Variants in CCDC66 observed in about 807,000 individuals in gnomAD.
CCDC66 encodes coiled-coil domain containing 66, also known as coiled-coil domain-containing protein 66.
CCDC66 carries 133 observed loss-of-function variants against 128.3 expected under a neutral mutation model. The observed-to-expected ratio is 1.04, with a 90% CI of 0.90 to 1.20. The LOEUF (loss-of-function observed/expected upper bound fraction) is 1.20, where lower values mean the gene tolerates loss of function less well. Among genes scored for constraint, CCDC66 ranks in the 50% most tolerant of loss-of-function variants. The pLI is 0.00. For missense variants in CCDC66, 1,126 were observed against 1,075.5 expected (o/e 1.05, Z -0.66); for synonymous variants, 387 against 357.0 (o/e 1.08, Z -0.95).
chr3:56,575,351 A>G lies in CCDC66; in HGVS notation c.936+4049A>G, dbSNP rs141125607. Among the ~76,000 whole-genome samples the G allele has an allele frequency of 1.9e-3, 288 of 151,958 alleles. 3 individuals carry two copies. The highest frequency in any genetic ancestry group is 6.7e-3 in the African/African-American group (279 of 41,554). On this transcript the variant is annotated intron_variant, in intron 7 of 17. Transcript: ENST00000394672. Reference sequence around the variant, plus strand: ...ACTTCCCAATGATTAGTGATGTGGAACATTTTCCCACAGGCTTATTGACTA... The same window carrying G: ...ACTTCCCAATGATTAGTGATGTGGAGCATTTTCCCACAGGCTTATTGACTA...
At chr3:56,577,548 T>G (rs1412359882) in intron 7 of CCDC66, among the ~76,000 whole-genome samples, 1 of 151,902 alleles carries the variant, frequency 6.6e-6, no homozygotes, top group African/African-American at 2.4e-5. Context: ...TGGTTTTAGG[T>G]CTTAGGTTTA....
At chr3:56,588,116 T>C (rs144903938) in intron 7 of CCDC66, among the ~76,000 whole-genome samples, 1,845 of 152,316 alleles carry the variant, frequency 0.012, 46 homozygotes, top group African/African-American at 0.041. Flanking sequence ...GGAATCCTAC[T>C]CAGCCATAAA....
intron 7 of CCDC66, among the ~76,000 whole-genome samples, chr3:56,581,823 C>T (rs2068434161): frequency 1.3e-5 from 2 of 151,800 alleles, no homozygotes; most frequent in Admixed American, 1.3e-4. Flanking sequence ...CAGTCGGCCC[C>T]TACTGGGAGG....
intron 10 of CCDC66, among the ~76,000 whole-genome samples, chr3:56,607,667 A>C (rs2074260124): frequency 6.6e-6 from 1 of 152,192 alleles, no homozygotes; most frequent in African/African-American, 2.4e-5. Flanking sequence ...TGGGACTTCC[A>C]GTACTACGTT....
intron 10 of CCDC66, among the ~76,000 whole-genome samples, chr3:56,598,911 G>C (rs1455455601): frequency 6.6e-6 from 1 of 151,986 alleles, no homozygotes; most frequent in Admixed American, 6.6e-5. Context: ...TCTGGCTTTG[G>C]TATCAGGGTA....
In CCDC66 at chr3:56,558,814, A is replaced by C. The variant is rs2064718666; in HGVS notation, c.12-32A>C. 6 of 1,459,296 alleles carry C rather than the reference A, an allele frequency of 4.1e-6. No homozygotes were observed. In the African/African-American group the frequency reaches 5.6e-5, roughly 14 times the overall value. The allele number at this position is 1,459,296 out of a possible 1,614,324, so 90.4% of individuals were successfully genotyped here. A position where few individuals can be genotyped will look rare whatever the true frequency, so the allele number is the denominator to read the frequency against. ...TATTTAAAATGTTGCGGTTTGTTAAAAATGAGAGACAACTTTCTTTTTTTA... is the reference window on the plus strand; with the variant it reads ...TATTTAAAATGTTGCGGTTTGTTAACAATGAGAGACAACTTTCTTTTTTTA... On this transcript the variant is annotated intron_variant, in intron 1 of 17. Coordinates refer to ENST00000394672, the MANE Select transcript of CCDC66 (RefSeq NM_001141947.3).
chr3:56,621,569 T>C lies in CCDC66; in HGVS notation c.2798T>C (p.Leu933Pro). The C allele has an allele frequency of 6.2e-7, 1 of 1,603,352 alleles. No individual in the cohort carries two copies. Among genetic ancestry groups the C allele is most frequent in the Admixed American group, 1.7e-5 (1 of 57,786 alleles). The change falls in exon 18 of 18, where the codon CTC (leucine) becomes CCC (proline). Residue 933 changes from leucine (L) to proline (P), a missense_variant. Transcript: ENST00000394672. ...LQKQKELESS[L>P]LPLAENQEES... ...AAGCAAAAGGAGTTGGAAAGTAGTC[T>C]CCTGCCTTTAGCTGAAAATCAAGAA...
intron 7 of CCDC66, among the ~76,000 whole-genome samples, chr3:56,580,695 C>T (rs1177502862): frequency 2.6e-5 from 4 of 151,816 alleles, no homozygotes; most frequent in Non-Finnish European, 5.9e-5. Context: ...ATATGAAATT[C>T]TGGGTTGAAA....
At chr3:56,597,123 T>A (rs1209449134) in intron 10 of CCDC66, among the ~76,000 whole-genome samples, 1 of 151,932 alleles carries the variant, frequency 6.6e-6, no homozygotes, top group African/African-American at 2.4e-5. Flanking sequence ...CATATAGATA[T>A]CCAATTTTCC....
chr3:56,571,161 A>T lies in CCDC66; in HGVS notation c.815-20A>T. 3.4e-6 allele frequency: 5 copies of T among 1,478,266 alleles called. No individual in the cohort carries two copies. Among genetic ancestry groups the T allele is most frequent in the South Asian group, 1.2e-5 (1 of 80,632 alleles). The allele number at this position is 1,478,266 out of a possible 1,614,324, so 91.6% of individuals were successfully genotyped here. The stretch of plus-strand genomic sequence containing the variant: ...TTTTACAGTTTTTGTACATTTTTTT[A>T]AAAAGGACATTATTTACAGATGAAC... On this transcript the variant is annotated intron_variant, in intron 6 of 17. Transcript: ENST00000394672.
intron 10 of CCDC66, among the ~76,000 whole-genome samples, chr3:56,606,645 G>A (rs759379907): frequency 1.3e-5 from 2 of 151,688 alleles, no homozygotes; most frequent in African/African-American, 4.9e-5. Flanking sequence ...GATGAACTAG[G>A]TACCTAAGTT....
Position 56,570,713 on chromosome 3 carries a change from A to C in CCDC66, c.815-468A>C, listed in dbSNP as rs2066515844. The C allele has an allele frequency of 3.5e-5, 2 of 57,580 alleles. 1 individual carries two copies. Among genetic ancestry groups the C allele is most frequent in the Non-Finnish European group, 1.1e-4 (2 of 17,732 alleles). 3.6% of individuals were successfully genotyped at this position (57,580 alleles called of 1,614,324 possible). A position where few individuals can be genotyped will look rare whatever the true frequency, so the allele number is the denominator to read the frequency against. On this transcript the variant is annotated intron_variant, in intron 6 of 17. Transcript: ENST00000394672. ...CAGTGAGCTGAGATAGCGCCATTGCACTCCAGGCTGCTGACAGAATGAGAC... is the reference window on the plus strand; with the variant it reads ...CAGTGAGCTGAGATAGCGCCATTGCCCTCCAGGCTGCTGACAGAATGAGAC...
At chr3:56,589,292 G>A (rs1294962023) in intron 7 of CCDC66, among the ~76,000 whole-genome samples, 1 of 152,110 alleles carries the variant, frequency 6.6e-6, no homozygotes, top group Non-Finnish European at 1.5e-5. Flanking sequence ...ATGAAATTGA[G>A]CTTATTACTA....
chr3:56,607,059 T>C (rs1274574305), intron 10 of CCDC66, among the ~76,000 whole-genome samples: 1 of 152,190 alleles, frequency 6.6e-6, no homozygotes, highest in Non-Finnish European at 1.5e-5. Flanking sequence ...ATAGTATAGT[T>C]TGAAATCAGG....
At chr3:56,562,064 C>T (rs1386897569) in intron 3 of CCDC66, among the ~76,000 whole-genome samples, 1 of 151,004 alleles carries the variant, frequency 6.6e-6, no homozygotes, top group Non-Finnish European at 1.5e-5. Flanking sequence ...TTTTTTGAGG[C>T]AGGCTCTCTC....
chr3:56,592,978 A>G lies in CCDC66; in HGVS notation c.945A>G (p.Val315=). The G allele has an allele frequency of 6.2e-7, 1 of 1,608,108 alleles. No individual in the cohort carries two copies. Among genetic ancestry groups the G allele is most frequent in the Non-Finnish European group, 8.5e-7 (1 of 1,178,560 alleles). The change falls in exon 8 of 18, where the codon GTA becomes GTG. Residue 315 remains valine (V), a synonymous_variant. Coordinates refer to ENST00000394672, the MANE Select transcript of CCDC66 (RefSeq NM_001141947.3). ...TTATGGCTGTTGTTTAGGAAACAGT[A>G]CTGCTGGAGCACCCTTTCAGTGCTG... The part of the protein sequence containing the change: ...HQILDQSRET[V]LLEHPFSAVK...
At chr3:56,581,854 C>T (rs757366808) in intron 7 of CCDC66, among the ~76,000 whole-genome samples, 8 of 151,888 alleles carry the variant, frequency 5.3e-5, no homozygotes, top group Admixed American at 1.3e-4. Context: ...TTAGGCTACT[C>T]GGTGGTTAGG....
chr3:56,596,736 T>A (rs1275975318), intron 10 of CCDC66, among the ~76,000 whole-genome samples: 1 of 150,232 alleles, frequency 6.7e-6, no homozygotes, highest in African/African-American at 2.5e-5. Context: ...GGTCATACAT[T>A]TAACTATTTA....
chr3:56,605,922 A>G (rs2074003043), intron 10 of CCDC66, among the ~76,000 whole-genome samples: 1 of 151,720 alleles, frequency 6.6e-6, no homozygotes, highest in African/African-American at 2.4e-5. Flanking sequence ...GGTTTTATCT[A>G]TAAGCCCCTG....
Sources: gnomAD v4.1 joint callset for allele counts (sites outside exome capture counted in the v4.1 genomes callset) on GRCh38, gnomAD v4.1.1 for gene constraint, MANE v1.5 for transcripts, NCBI Gene and HGNC (gene_info 2026-07-23, HGNC 2026-07-21) for gene names.